ZFYVE9: variants seen among roughly 807,000 people sequenced by gnomAD.
ZFYVE9 encodes zinc finger FYVE-type containing 9.
In ZFYVE9, 43 loss-of-function variants were observed where a neutral mutation model predicts 126.7. The observed-to-expected ratio is 0.34, with a 90% CI of 0.27 to 0.44. ZFYVE9 has a LOEUF of 0.44. Among genes scored for constraint, ZFYVE9 ranks in the 20% least tolerant of loss-of-function variants. The pLI is 1.00. For missense variants in ZFYVE9, 1,476 were observed against 1,697.0 expected, an observed-to-expected ratio of 0.87 and a Z score of 2.29; for synonymous variants, 521 against 597.4, an observed-to-expected ratio of 0.87 and a Z score of 1.87.
chr1:52,185,816 A>C (rs1644759660), intron 1 of ZFYVE9, among the ~76,000 whole-genome samples: 1 of 150,412 alleles, frequency 6.6e-6, no homozygotes, highest in Admixed American at 6.6e-5. Flanking sequence ...GCTACTTGAG[A>C]GGCTGAGACT....
intron 15 of ZFYVE9, among the ~76,000 whole-genome samples, chr1:52,335,601 G>A (rs1646380896): frequency 6.6e-6 from 1 of 152,128 alleles, no homozygotes; most frequent in Admixed American, 6.6e-5. Flanking sequence ...GCAAGAAGGT[G>A]GAAGCTGCAT....
chr1:52,254,135 C>T, intron 4 of ZFYVE9: 2 of 729,868 alleles, frequency 2.7e-6, no homozygotes, highest in Non-Finnish European at 4.7e-6. Flanking sequence ...TGGTAAATTT[C>T]CTAGATGTAC....
chr1:52,227,289 C>T (rs577156824), intron 2 of ZFYVE9, among the ~76,000 whole-genome samples: 1 of 152,368 alleles, frequency 6.6e-6, no homozygotes, highest in South Asian at 2.1e-4. Flanking sequence ...CTCCTTTAGC[C>T]TTTTCACATG....
intron 13 of ZFYVE9, among the ~76,000 whole-genome samples, chr1:52,318,265 A>G (rs540186683): frequency 3.1e-4 from 47 of 152,328 alleles, no homozygotes; most frequent in Non-Finnish European, 5.1e-4. Flanking sequence ...TCCATAGTTT[A>G]GGATACAGGA....
chr1:52,167,943 G>A (rs563160518), intron 1 of ZFYVE9, among the ~76,000 whole-genome samples: 2 of 152,270 alleles, frequency 1.3e-5, no homozygotes, highest in Admixed American at 1.3e-4. Flanking sequence ...ATAAATTTAG[G>A]ATTAGTGAAA....
At chr1:52,243,374 A>T (rs1042668997) in intron 4 of ZFYVE9, among the ~76,000 whole-genome samples, 1 of 152,274 alleles carries the variant, frequency 6.6e-6, no homozygotes. Flanking sequence ...GAGAAGTGAC[A>T]TAGTTCAAGG....
chr1:52,287,725 C>T (rs910254508), intron 10 of ZFYVE9, among the ~76,000 whole-genome samples: 5 of 150,980 alleles, frequency 3.3e-5, no homozygotes, highest in Non-Finnish European at 7.4e-5. Flanking sequence ...ATTAACTAGG[C>T]CTAATGGCAC....
chr1:52,297,274 G>A (rs1037692080), intron 12 of ZFYVE9, among the ~76,000 whole-genome samples: 3 of 144,282 alleles, frequency 2.1e-5, no homozygotes, highest in East Asian at 2.0e-4. Flanking sequence ...ATGGAGTCTC[G>A]CTCTGTTGTC....
intron 10 of ZFYVE9, among the ~76,000 whole-genome samples, chr1:52,293,081 A>G (rs1223496273): frequency 2.0e-5 from 3 of 152,128 alleles, no homozygotes; most frequent in Non-Finnish European, 2.9e-5. Flanking sequence ...AATGTTTATT[A>G]AAAATATGAT....
chr1:52,166,420 T>C (rs1003103430), intron 1 of ZFYVE9, among the ~76,000 whole-genome samples: 11 of 152,246 alleles, frequency 7.2e-5, no homozygotes, highest in Non-Finnish European at 1.6e-4. Context: ...ACCTGCACTT[T>C]ACCTCATAAG....
intron 18 of ZFYVE9, 45 bp from the exon 19 acceptor site, chr1:52,346,015 C>A: frequency 6.6e-7 from 1 of 1,511,168 alleles, no homozygotes; most frequent in Non-Finnish European, 8.9e-7. Flanking sequence ...CTGGAGAGGC[C>A]TTCTCTGTTC....
chr1:52,344,679 G>C, intron 17 of ZFYVE9, 89 bp from the exon 18 acceptor site: 1 of 1,387,322 alleles, frequency 7.2e-7, no homozygotes, highest in Non-Finnish European at 9.9e-7. Context: ...GCACATCTTG[G>C]AGAATCAGGG....
intron 14 of ZFYVE9, 129 bp downstream of exon 14, chr1:52,333,047 AC>A: frequency 8.0e-7 from 1 of 1,246,426 alleles, no homozygotes; most frequent in Non-Finnish European, 1.1e-6. Context: ...AACCTTTCCA[AC>A]CATATTCTTC....
chr1:52,299,499 TC>T (rs1646011940), intron 12 of ZFYVE9, among the ~76,000 whole-genome samples: 2 of 152,246 alleles, frequency 1.3e-5, no homozygotes, highest in Admixed American at 1.3e-4. Flanking sequence ...GGAAAAGATT[TC>T]CACTGTTCCC....
intron 1 of ZFYVE9, among the ~76,000 whole-genome samples, chr1:52,170,505 CTTCTT>C (rs1644557234): frequency 1.3e-5 from 2 of 151,444 alleles, no homozygotes; most frequent in Admixed American, 1.3e-4. Context: ...ATCTTTATTA[CTTCTT>C]TTCTTCTAAT....
chr1:52,331,764 T>C (rs1164337363), intron 13 of ZFYVE9, among the ~76,000 whole-genome samples: 3 of 144,750 alleles, frequency 2.1e-5, no homozygotes, highest in African/African-American at 7.7e-5. Context: ...AAAAAAAAGG[T>C]GTCAAACTCT....
At chr1:52,329,080 A>T (rs965040853) in intron 13 of ZFYVE9, among the ~76,000 whole-genome samples, 1 of 152,212 alleles carries the variant, frequency 6.6e-6, no homozygotes, top group Non-Finnish European at 1.5e-5. Flanking sequence ...AAATGGAAAG[A>T]TGTTCCATGG....
intron 1 of ZFYVE9, among the ~76,000 whole-genome samples, chr1:52,184,740 G>T (rs907698195): frequency 6.6e-6 from 1 of 152,062 alleles, no homozygotes; most frequent in South Asian, 2.1e-4. Flanking sequence ...CAGTGTAAAA[G>T]AATTGAAAAA....
Position 52,278,592 on chromosome 1 carries a change from G to T in ZFYVE9, c.2847G>T (p.Leu949Phe), listed in dbSNP as rs778549814. 2 of 1,585,458 alleles carry T rather than the reference G, an allele frequency of 1.3e-6. No homozygotes were observed. Among genetic ancestry groups the T allele is most frequent in the African/African-American group, 2.7e-5 (2 of 73,732 alleles). ...TATTTGTTTTAAATGCAAATTTGTTGTCAATGGTTAAAATTGTAAATTGTA... is the reference window on the plus strand; with the variant it reads ...TATTTGTTTTAAATGCAAATTTGTTTTCAATGGTTAAAATTGTAAATTGTA... ...PLVFVLNANL[L>F]SMVKIVNYVN... is the part of the protein sequence containing the mutation. The change falls in exon 9 of 19, where the codon TTG becomes TTT. Residue 949 changes from leucine to phenylalanine, a missense_variant. By Grantham distance (22) the Leu-to-Phe change is conservative. This residue lies in a region of ZFYVE9 where 669 missense variants were observed against 902.4 expected (regional missense o/e 0.74). Coordinates refer to ENST00000287727, the MANE Select transcript of ZFYVE9 (RefSeq NM_004799.4).
Sources: gnomAD v4.1 joint callset for allele counts (sites outside exome capture counted in the v4.1 genomes callset) on GRCh38, gnomAD v4.1.1 for gene constraint, gnomAD v4.1.1 regional missense constraint, MANE v1.5 for transcripts, NCBI Gene and HGNC (gene_info 2026-07-23, HGNC 2026-07-21) for gene names.